FHIT: variants seen among roughly 807,000 people sequenced by gnomAD.
The protein encoded by FHIT is fragile histidine triad diadenosine triphosphatase.
A neutral mutation model predicts 17.9 loss-of-function variants in FHIT; 19 were observed. That is an observed-to-expected ratio of 1.06 (90% CI 0.74 to 1.56). The LOEUF (loss-of-function observed/expected upper bound fraction) is 1.56. FHIT is among the 40% of genes most tolerant of loss of function. The pLI is 0.00. For synonymous variants in FHIT, 81 were observed against 69.7 expected (o/e 1.16, Z -0.81); for missense variants, 248 against 189.2 (o/e 1.31, Z -1.82).
intron 5 of FHIT, among the ~76,000 whole-genome samples, chr3:60,261,121 CA>C (rs1314224803): frequency 6.6e-6 from 1 of 152,016 alleles, no homozygotes; most frequent in African/African-American, 2.4e-5. Context: ...AACTTGCTTT[CA>C]CTTTACTTTT....
intron 1 of FHIT, among the ~76,000 whole-genome samples, chr3:61,229,969 G>T (rs1206244590): frequency 3.9e-5 from 6 of 152,260 alleles, no homozygotes; most frequent in South Asian, 4.2e-4. Context: ...ATCAGGTCAA[G>T]ATCCTTAGGC....
At chr3:60,062,583 G>A (rs1424836915) in intron 5 of FHIT, among the ~76,000 whole-genome samples, 3 of 152,114 alleles carry the variant, frequency 2.0e-5, no homozygotes, top group Admixed American at 1.3e-4. Context: ...CAAAGATCAC[G>A]ATCTTTCTTC....
At chr3:60,286,656 A>G (rs1707744669) in intron 5 of FHIT, among the ~76,000 whole-genome samples, 1 of 152,202 alleles carries the variant, frequency 6.6e-6, no homozygotes, top group South Asian at 2.1e-4. Flanking sequence ...CCATAATGAA[A>G]ATGTTATTTA....
chr3:60,309,072 T>C (rs1708817502), intron 5 of FHIT, among the ~76,000 whole-genome samples: 1 of 152,184 alleles, frequency 6.6e-6, no homozygotes, highest in Non-Finnish European at 1.5e-5. Context: ...ATTAGAGTGA[T>C]AATTGACAGT....
chr3:60,730,206 G>A (rs1055273537), intron 4 of FHIT: 16 of 348,496 alleles, frequency 4.6e-5, no homozygotes, highest in African/African-American at 3.3e-4. Flanking sequence ...AGATTTTCGT[G>A]TATTCCTCTT....
At chr3:60,477,591 T>C (rs2033410394) in intron 5 of FHIT, among the ~76,000 whole-genome samples, 1 of 152,224 alleles carries the variant, frequency 6.6e-6, no homozygotes, top group African/African-American at 2.4e-5. Flanking sequence ...CATATTAATG[T>C]CTGCATTTTA....
chr3:60,268,858 C>A (rs1576396010), intron 5 of FHIT, among the ~76,000 whole-genome samples: 1 of 151,836 alleles, frequency 6.6e-6, no homozygotes, highest in African/African-American at 2.4e-5. Flanking sequence ...TCTAGGTGGG[C>A]CCAACATAAT....
At chr3:59,904,150 T>C (rs1443542289) in intron 8 of FHIT, among the ~76,000 whole-genome samples, 2 of 125,856 alleles carry the variant, frequency 1.6e-5, no homozygotes, top group South Asian at 4.9e-4. Context: ...GGTGACAGAA[T>C]ACAGAAGAAA....
chr3:59,854,128 A>G (rs1032303405), intron 8 of FHIT, among the ~76,000 whole-genome samples: 8 of 152,206 alleles, frequency 5.3e-5, no homozygotes, highest in African/African-American at 9.6e-5. Flanking sequence ...CTTTGCATTG[A>G]TTGGTATCAA....
intron 4 of FHIT, among the ~76,000 whole-genome samples, chr3:60,734,843 C>A (rs1201031696): frequency 6.6e-6 from 1 of 152,172 alleles, no homozygotes; most frequent in Non-Finnish European, 1.5e-5. Flanking sequence ...TTTGTTGCAC[C>A]TTGTAAAACA....
chr3:61,195,191 C>T (rs568241681), intron 2 of FHIT, among the ~76,000 whole-genome samples: 1 of 151,902 alleles, frequency 6.6e-6, no homozygotes, highest in African/African-American at 2.4e-5. Context: ...TGCTTTTGTA[C>T]CAGATAAAGC....
chr3:60,470,033 T>TGTCTCCC (rs2033001406), intron 5 of FHIT, among the ~76,000 whole-genome samples: 1 of 145,330 alleles, frequency 6.9e-6, no homozygotes, highest in African/African-American at 2.7e-5. Flanking sequence ...TCTCTCTGTC[T>TGTCTCCC]CTCTCCCCTC....
At chr3:59,971,259 A>C (rs1307503828) in intron 7 of FHIT, among the ~76,000 whole-genome samples, 1 of 152,144 alleles carries the variant, frequency 6.6e-6, no homozygotes, top group East Asian at 1.9e-4. Context: ...AGGGAATACG[A>C]AATCTTTGAT....
At chr3:59,876,937 G>C (rs1205195116) in intron 8 of FHIT, among the ~76,000 whole-genome samples, 2 of 152,172 alleles carry the variant, frequency 1.3e-5, no homozygotes. Flanking sequence ...AGCTAGCTGA[G>C]GAGACATCTG....
chr3:61,202,441 G>A (rs1052947949), intron 1 of FHIT, among the ~76,000 whole-genome samples: 1 of 148,650 alleles, frequency 6.7e-6, no homozygotes, highest in African/African-American at 2.5e-5. Context: ...TGAAGTGACA[G>A]CCTTGTGTGT....
At chr3:60,702,449 C>T (rs1277059577) in intron 4 of FHIT, among the ~76,000 whole-genome samples, 5 of 151,754 alleles carry the variant, frequency 3.3e-5, no homozygotes, top group African/African-American at 1.2e-4. Context: ...ATCTCCATAA[C>T]ATTTTTCTTT....
rs200642362 is a variant in FHIT, at chr3:60,971,520, A to ACCT, written c.-111+70526_-111+70527insAGG. Among the ~76,000 whole-genome samples the ACCT allele has an allele frequency of 1.0e-4, 14 of 136,612 alleles. No homozygotes were observed. The East Asian group carries it at 1.0e-3, about 10-fold the overall frequency. 89.6% of individuals were successfully genotyped at this position (136,612 alleles called of 152,430 possible). Reference sequence around the variant, plus strand: ...AATTTAACCTATTGATTCTCCCTCAATCTTTTTTTTTTTGCCCCCTTGCTA... The same window carrying ACCT: ...AATTTAACCTATTGATTCTCCCTCAACCTTCTTTTTTTTTTTGCCCCCTTGCTA... On this transcript the variant is annotated intron_variant, in intron 3 of 9. Coordinates refer to ENST00000492590, the MANE Select transcript of FHIT (RefSeq NM_002012.4).
At chr3:59,761,880 G>A (rs1249177514) in intron 8 of FHIT, among the ~76,000 whole-genome samples, 1 of 152,128 alleles carries the variant, frequency 6.6e-6, no homozygotes, top group Non-Finnish European at 1.5e-5. Context: ...GTAGGTGTGA[G>A]CCACCGCGCC....
At chr3:60,947,747 A>C (rs1374979398) in intron 3 of FHIT, among the ~76,000 whole-genome samples, 1 of 152,120 alleles carries the variant, frequency 6.6e-6, no homozygotes, top group Non-Finnish European at 1.5e-5. Flanking sequence ...GCACCCACCA[A>C]CCTAGTGAAC....
Sources: allele counts gnomAD v4.1 joint callset (sites outside exome capture counted in the v4.1 genomes callset), GRCh38; gene constraint gnomAD v4.1.1; transcripts MANE v1.5; gene names NCBI Gene and HGNC (gene_info 2026-07-23, HGNC 2026-07-21).